Variants in PTPRD observed in about 807,000 individuals in gnomAD.
The protein encoded by PTPRD is receptor-type tyrosine-protein phosphatase delta.
PTPRD carries 34 observed loss-of-function variants against 214.5 expected under a neutral mutation model. The ratio of observed to expected loss-of-function variants is 0.16; its 90% CI spans 0.12 to 0.21. The LOEUF (loss-of-function observed/expected upper bound fraction) is 0.21. Among genes scored for constraint, PTPRD ranks in the 10% least tolerant of loss-of-function variants. The pLI is 1.00. For synonymous variants in PTPRD, 1,128 were observed against 845.7 expected (o/e 1.33, Z -5.79); for missense variants, 2,545 against 2,398.7 (o/e 1.06, Z -1.27).
chr9:10,263,197 A>G (rs921545125), intron 3 of PTPRD, among the ~76,000 whole-genome samples: 9 of 152,214 alleles, frequency 5.9e-5, no homozygotes, highest in African/African-American at 2.2e-4. Context: ...GTAAATTGGT[A>G]CCAGTAGAAT....
intron 3 of PTPRD, among the ~76,000 whole-genome samples, chr9:10,042,427 C>T (rs770478088): frequency 6.6e-6 from 1 of 151,832 alleles, no homozygotes; most frequent in Non-Finnish European, 1.5e-5. Flanking sequence ...AGAAAAGAAA[C>T]CTACCTGTCC....
chr9:8,868,617 C>A (rs1444640129), intron 11 of PTPRD, among the ~76,000 whole-genome samples: 1 of 152,120 alleles, frequency 6.6e-6, no homozygotes, highest in African/African-American at 2.4e-5. Context: ...ACTAGATTAT[C>A]TTTAAAGTTG....
At chr9:9,564,181 C>T (rs577634345) in intron 8 of PTPRD, among the ~76,000 whole-genome samples, 1 of 152,044 alleles carries the variant, frequency 6.6e-6, no homozygotes, top group African/African-American at 2.4e-5. Context: ...AGTTTAAGTA[C>T]CTGTGTATTA....
chr9:9,316,717 G>T (rs1963364184), intron 9 of PTPRD, among the ~76,000 whole-genome samples: 2 of 152,000 alleles, frequency 1.3e-5, no homozygotes, highest in South Asian at 4.1e-4. Context: ...CAGCATTACT[G>T]GTATCCACAT....
intron 8 of PTPRD, among the ~76,000 whole-genome samples, chr9:9,433,096 G>T (rs981666301): frequency 1.3e-5 from 2 of 152,130 alleles, no homozygotes; most frequent in Non-Finnish European, 2.9e-5. Context: ...TAGATAAGGG[G>T]CATCCAGAGA....
At chr9:8,846,113 T>A (rs934322254) in intron 11 of PTPRD, among the ~76,000 whole-genome samples, 1 of 152,228 alleles carries the variant, frequency 6.6e-6, no homozygotes, top group Non-Finnish European at 1.5e-5. Flanking sequence ...ACACACACTC[T>A]ACTGAGATTT....
intron 9 of PTPRD, among the ~76,000 whole-genome samples, chr9:9,340,883 C>T (rs529907223): frequency 2.2e-4 from 34 of 152,160 alleles, no homozygotes; most frequent in African/African-American, 7.7e-4. Flanking sequence ...CCCAGCTAAT[C>T]ATTAGAATAA....
intron 35 of PTPRD, among the ~76,000 whole-genome samples, chr9:8,413,184 T>G (rs997106959): frequency 2.6e-5 from 4 of 152,224 alleles, no homozygotes; most frequent in Non-Finnish European, 4.4e-5. Context: ...ATCCTAAACA[T>G]AGATGTATTT....
chr9:10,440,112 G>C (rs1169988644), intron 2 of PTPRD, among the ~76,000 whole-genome samples: 4 of 151,080 alleles, frequency 2.6e-5, no homozygotes, highest in African/African-American at 7.3e-5. Flanking sequence ...TAAAAAATCG[G>C]CTATTACTAT....
chr9:10,404,192 T>G (rs1046255540), intron 2 of PTPRD, among the ~76,000 whole-genome samples: 8 of 151,750 alleles, frequency 5.3e-5, no homozygotes, highest in African/African-American at 1.7e-4. Context: ...AATAAATAAA[T>G]AATAAACAAA....
chr9:9,108,755 G>A (rs887988737), intron 10 of PTPRD, among the ~76,000 whole-genome samples: 3 of 152,164 alleles, frequency 2.0e-5, no homozygotes, highest in East Asian at 1.9e-4. Context: ...AATACCAGGT[G>A]AGCAGTAATC....
intron 15 of PTPRD, 64 bp downstream of exon 15, chr9:8,528,524 TAAG>T (rs746024630): frequency 9.2e-6 from 12 of 1,310,268 alleles, no homozygotes; most frequent in East Asian, 4.8e-5. Flanking sequence ...AAATTAAAAA[TAAG>T]GAGAGAGAAA....
intron 14 of PTPRD, among the ~76,000 whole-genome samples, chr9:8,616,778 A>T: frequency 6.6e-6 from 1 of 152,154 alleles, no homozygotes; most frequent in East Asian, 1.9e-4. Context: ...GGGGCTAGAC[A>T]GTTTTATTCT....
At chr9:10,077,380 T>C (rs997616828) in intron 3 of PTPRD, among the ~76,000 whole-genome samples, 9 of 152,196 alleles carry the variant, frequency 5.9e-5, no homozygotes, top group African/African-American at 2.2e-4. Flanking sequence ...TGCTTAAGAT[T>C]CACTTGTGAA....
intron 7 of PTPRD, among the ~76,000 whole-genome samples, chr9:9,661,457 T>G (rs1161513013): frequency 6.6e-6 from 1 of 151,930 alleles, no homozygotes; most frequent in Non-Finnish European, 1.5e-5. Flanking sequence ...CATTTAACAT[T>G]ATATTAAACT....
chr9:10,321,591 G>C (rs879516116), intron 3 of PTPRD, among the ~76,000 whole-genome samples: 1 of 151,882 alleles, frequency 6.6e-6, no homozygotes, highest in Non-Finnish European at 1.5e-5. Context: ...ATTTTGAAGG[G>C]GTTTTAAAAG....
chr9:9,678,677 T>G (rs2096989955), intron 7 of PTPRD, among the ~76,000 whole-genome samples: 1 of 151,648 alleles, frequency 6.6e-6, no homozygotes, highest in African/African-American at 2.4e-5. Context: ...AAAAAGACCT[T>G]ATAGAACAAT....
chr9:9,372,039 G>A (rs538777507), intron 9 of PTPRD, among the ~76,000 whole-genome samples: 3 of 152,278 alleles, frequency 2.0e-5, no homozygotes, highest in Admixed American at 1.3e-4. Flanking sequence ...CCAACTATGT[G>A]ATCAATTTTG....
intron 10 of PTPRD, among the ~76,000 whole-genome samples, chr9:9,173,200 T>C (rs190197339): frequency 6.6e-6 from 1 of 152,272 alleles, no homozygotes; most frequent in East Asian, 1.9e-4. Context: ...CTTACTTTCT[T>C]CAGAGTTTGA....
Sources: gnomAD v4.1 joint callset for allele counts (sites outside exome capture counted in the v4.1 genomes callset) on GRCh38, gnomAD v4.1.1 for gene constraint, MANE v1.5 for transcripts, NCBI Gene and HGNC (gene_info 2026-07-23, HGNC 2026-07-21) for gene names.